CLASRP: variants seen among roughly 807,000 people sequenced by gnomAD.
The protein encoded by CLASRP is CLK4 associating serine/arginine rich protein, also known as CLK4-associating serine/arginine rich protein.
In CLASRP, 52 loss-of-function variants were observed where a neutral mutation model predicts 99.9. That is an observed-to-expected ratio of 0.52 (90% CI 0.42 to 0.66). CLASRP has a LOEUF of 0.66. Among genes scored for constraint, CLASRP ranks in the 30% least tolerant of loss-of-function variants. The pLI is 0.00. For missense variants in CLASRP, 848 were observed against 999.2 expected (o/e 0.85, Z 2.04); for synonymous variants, 379 against 373.0 (o/e 1.02, Z -0.18).
rs1450477741 is a variant in CLASRP at position 45,060,418 on chromosome 19, A to G, written c.740A>G (p.Glu247Gly). 6.2e-7 allele frequency: 1 copy of G among 1,614,168 alleles called. No individual in the cohort carries two copies. Among genetic ancestry groups the G allele is most frequent in the Non-Finnish European group, 8.5e-7 (1 of 1,180,018 alleles). ...RMLRKDKEEA[E>G]AIKHAKALEE... ...CTCCGGAAAGACAAGGAGGAGGCAG[A>G]GGCCATCAAGCATGCCAAGGCTCTT... Residue 247 changes from glutamate (E) to glycine (G), a missense_variant, in exon 9 of 21, where the codon GAG becomes GGG. Around this residue, in one of 8 missense-constraint regions of CLASRP, gnomAD observed 119 missense variants for 170.2 expected, o/e 0.70. Coordinates refer to ENST00000221455, the MANE Select transcript of CLASRP (RefSeq NM_007056.3). The surrounding 1 kb of genome is among the most constrained non-coding windows in gnomAD (Gnocchi z 4.6).
In CLASRP at chr19:45,057,740, C is replaced by T. The variant is rs1280056899; in HGVS notation, c.465-10C>T. On this transcript the variant is annotated splice_polypyrimidine_tract_variant and intron_variant, in intron 6 of 20. Coordinates refer to ENST00000221455, the MANE Select transcript of CLASRP (RefSeq NM_007056.3). Reference sequence around the variant, plus strand: ...GGCACGGCCCTGGCTTACCAGCTCCCCTTTCTCAGGCTGGCAGAGAAGAAG... The same window carrying T: ...GGCACGGCCCTGGCTTACCAGCTCCTCTTTCTCAGGCTGGCAGAGAAGAAG... 3 of 1,613,796 alleles carry T rather than the reference C, an allele frequency of 1.9e-6. No homozygotes were observed. The highest frequency in any genetic ancestry group is 1.7e-6 in the Non-Finnish European group (2 of 1,179,802).
intron 2 of CLASRP, among the ~76,000 whole-genome samples, chr19:45,044,028 C>T (rs1971866693): frequency 6.6e-6 from 1 of 152,144 alleles, no homozygotes; most frequent in Non-Finnish European, 1.5e-5. Flanking sequence ...ACTATAGGTG[C>T]CCACCACCAC....
intron 20 of CLASRP, 102 bp from the exon 21 acceptor site, chr19:45,070,701 T>TGAGA: frequency 1.5e-6 from 2 of 1,308,714 alleles, no homozygotes; most frequent in Non-Finnish European, 2.2e-6. Context: ...GGAACATCCT[T>TGAGA]CCCTCCACAG....
chr19:45,043,820 C>G (rs555028465), intron 2 of CLASRP, among the ~76,000 whole-genome samples: 23 of 152,106 alleles, frequency 1.5e-4, no homozygotes, highest in African/African-American at 5.5e-4. Context: ...AGGCCTGGGT[C>G]TCTGTTGGTC....
At position 45,052,862 on chromosome 19, in the gene CLASRP, C is replaced by T; in HGVS notation, c.269C>T (p.Pro90Leu). ...FDVRAHLDHI[P>L]DYTPPLLTTI... ...GTCCGTGCCCACCTGGACCACATCCCCGACTACACCCCCCCTCTGCTCACC... is the reference window on the plus strand; with the variant it reads ...GTCCGTGCCCACCTGGACCACATCCTCGACTACACCCCCCCTCTGCTCACC... The change falls in exon 4 of 21, where the codon CCC becomes CTC. Residue 90 changes from proline to leucine, a missense_variant. By Grantham distance (98) the Pro-to-Leu change is moderately conservative. Around this residue, in one of 8 missense-constraint regions of CLASRP, gnomAD observed 54 missense variants for 38.7 expected, o/e 1.39. Coordinates refer to ENST00000221455, the MANE Select transcript of CLASRP (RefSeq NM_007056.3). 6 of 1,612,184 alleles carry T rather than the reference C, an allele frequency of 3.7e-6. No individual in the cohort carries two copies. The highest frequency in any genetic ancestry group is 5.1e-6 in the Non-Finnish European group (6 of 1,179,234).
intron 2 of CLASRP, among the ~76,000 whole-genome samples, chr19:45,044,870 T>TAG (rs536282538): frequency 5.3e-4 from 80 of 152,340 alleles, no homozygotes; most frequent in African/African-American, 1.9e-3. Context: ...GTTCAAATTC[T>TAG]AGCGATCCCA....
chr19:45,059,483 C>T (rs1364573951), intron 8 of CLASRP, 119 bp downstream of exon 8: 1 of 853,626 alleles, frequency 1.2e-6, no homozygotes, highest in African/African-American at 1.7e-5. Flanking sequence ...GGCCCTGGGC[C>T]CAGGACTTTA....
In CLASRP at chr19:45,052,062, C is replaced by T. The variant is rs573355406; in HGVS notation, c.100-9C>T. On this transcript the variant is annotated splice_polypyrimidine_tract_variant and intron_variant, in intron 2 of 20. Transcript: ENST00000221455. The stretch of plus-strand genomic sequence containing the variant: ...TGGGTGGTGACCTCAGTCCTGTTTA[C>T]CCCTGCAGAAGAAGGACCCAGCCCA... 125 of 1,612,678 alleles carry T rather than the reference C, an allele frequency of 7.8e-5. 2 individuals carry two copies. In the South Asian group the frequency reaches 9.4e-4, roughly 12 times the overall value.
In CLASRP at chr19:45,070,107, G is replaced by A. The variant is rs1967201739; in HGVS notation, c.1957+3G>A. ...CCGCTCACCCTCCCCCCGATACAGT[G>A]AGTGTCCCCACCAGGCTGCAGGGCT... On this transcript the variant is annotated splice_donor_region_variant and intron_variant, in intron 19 of 20. Transcript: ENST00000221455. 1.3e-6 allele frequency: 2 copies of A among 1,552,110 alleles called. No individual in the cohort carries two copies. Among genetic ancestry groups the A allele is most frequent in the South Asian group, 2.2e-5 (2 of 89,912 alleles).
chr19:45,064,265 C>A, intron 12 of CLASRP, 38 bp downstream of exon 12: 1 of 1,542,618 alleles, frequency 6.5e-7, no homozygotes, highest in East Asian at 2.4e-5. Flanking sequence ...ACGCCCCGGT[C>A]ACCATGGGGG....
intron 5 of CLASRP, among the ~76,000 whole-genome samples, chr19:45,053,787 G>A (rs1037870496): frequency 5.9e-5 from 9 of 152,082 alleles, no homozygotes; most frequent in East Asian, 1.9e-4. Context: ...CCAAGAATAC[G>A]TTTTTAAAAG....
intron 11 of CLASRP, among the ~76,000 whole-genome samples, chr19:45,062,911 G>A (rs1045072034): frequency 1.3e-5 from 2 of 152,188 alleles, no homozygotes; most frequent in Non-Finnish European, 2.9e-5. Context: ...AAGGGATTTT[G>A]TGAGGGACCA....
In CLASRP at chr19:45,060,404, CAAG is replaced by C. The variant is rs1247905104; in HGVS notation, c.727_729del (p.Lys243del). ...ACCTCTATAGGATGCTCCGGAAAGA[CAAG>C]GAGGAGGCAGAGGCCATCAAGCATG... On this transcript the variant is annotated inframe_deletion, in exon 9 of 21. Transcript: ENST00000221455. This position sits in a 1 kb window ranked among gnomAD's most constrained non-coding sequence, Gnocchi z 4.6. 4.3e-6 allele frequency: 7 copies of C among 1,614,058 alleles called. No individual in the cohort carries two copies. The highest frequency in any genetic ancestry group is 4.2e-6 in the Non-Finnish European group (5 of 1,179,966).
intron 12 of CLASRP, 51 bp from the exon 13 acceptor site, chr19:45,064,292 G>A (rs918174292): frequency 6.6e-6 from 10 of 1,509,956 alleles, no homozygotes; most frequent in Middle Eastern, 1.8e-4. Context: ...GGGGCAGAGG[G>A]GGGCCGCGGC....
At chr19:45,050,457 G>T (rs568899848) in intron 2 of CLASRP, among the ~76,000 whole-genome samples, 23 of 152,118 alleles carry the variant, frequency 1.5e-4, no homozygotes, top group Non-Finnish European at 3.1e-4. Flanking sequence ...GGCCAAGGCA[G>T]GCGGATCACC....
chr19:45,059,284 G>A lies in CLASRP; in HGVS notation c.630G>A (p.Val210=), dbSNP rs1460543521. 24 of 1,610,528 alleles carry A rather than the reference G, an allele frequency of 1.5e-5. No individual in the cohort carries two copies. The highest frequency in any genetic ancestry group is 2.0e-5 in the Non-Finnish European group (23 of 1,178,442). ...TTGGTGCAGACGTGGAGGTGGACGT[G>A]GATGAATTGAACCAGGAGCAGGTGG... The part of the protein sequence containing the change: ...VIPDIDVEVD[V]DELNQEQVAD... The change falls in exon 8 of 21, where the codon GTG becomes GTA. Residue 210 remains valine (V), a synonymous_variant. Transcript: ENST00000221455.
chr19:45,070,811 G>A lies in CLASRP; in HGVS notation c.1991G>A (p.Arg664Lys). 1 of 1,611,644 alleles carries A rather than the reference G, an allele frequency of 6.2e-7. No individual in the cohort carries two copies. The highest frequency in any genetic ancestry group is 1.1e-5 in the South Asian group (1 of 90,864). Residue 664 changes from arginine (R) to lysine (K), a missense_variant, in exon 21 of 21, where the codon AGG becomes AAG. This residue lies in a region of CLASRP where 116 missense variants were observed against 162.7 expected (regional missense o/e 0.71). Coordinates refer to ENST00000221455, the MANE Select transcript of CLASRP (RefSeq NM_007056.3). ...TCCCTTTCTCTTTCCAGGCGCTCAA[G>A]GTCCCGATCCCGAAGCCCCCATTAC... ...REYSSSRRRS[R>K]SRSRSPHYRH
At chr19:45,045,442 A>G (rs1971897759) in intron 2 of CLASRP, among the ~76,000 whole-genome samples, 1 of 152,090 alleles carries the variant, frequency 6.6e-6, no homozygotes, top group Non-Finnish European at 1.5e-5. Flanking sequence ...TCTTGAACCC[A>G]GGAGGTGGAG....
At chr19:45,059,747 C>G (rs930708059) in intron 8 of CLASRP, among the ~76,000 whole-genome samples, 9 of 152,208 alleles carry the variant, frequency 5.9e-5, no homozygotes, top group Admixed American at 3.9e-4. Flanking sequence ...CACAAGACCA[C>G]ACAGAATGGT....
Sources: allele counts gnomAD v4.1 joint callset (sites outside exome capture counted in the v4.1 genomes callset), GRCh38; gene constraint gnomAD v4.1.1; regional missense constraint gnomAD v4.1.1; non-coding constraint Gnocchi (gnomAD v3.1); transcripts MANE v1.5; gene names NCBI Gene and HGNC (gene_info 2026-07-23, HGNC 2026-07-21).